The following NUP214 variants were observed in gnomAD, a reference collection of about 807,000 sequenced individuals.
The protein encoded by NUP214 is nucleoporin 214.
In NUP214, 79 loss-of-function variants were observed where a neutral mutation model predicts 196.2. That is an observed-to-expected ratio of 0.40 (90% CI 0.34 to 0.49). The LOEUF is 0.49. Ranked by LOEUF, NUP214 falls within the 20% of genes least tolerant of loss-of-function variation. The pLI is 0.58. For synonymous variants in NUP214, 1,020 were observed against 990.5 expected (o/e 1.03, Z -0.56); for missense variants, 2,468 against 2,539.0 (o/e 0.97, Z 0.60).
intron 17 of NUP214, 110 bp downstream of exon 17, chr9:131,152,004 A>C: frequency 1.3e-6 from 1 of 798,840 alleles, no homozygotes; most frequent in African/African-American, 1.8e-5. Flanking sequence ...GAAGTTGTTG[A>C]TTTTCTGCTT....
At chr9:131,137,303 G>A (rs1299377894) in intron 9 of NUP214, among the ~76,000 whole-genome samples, 1 of 152,118 alleles carries the variant, frequency 6.6e-6, no homozygotes, top group East Asian at 1.9e-4. Context: ...TTCTAGAGGG[G>A]ACTGTTTTTA....
chr9:131,158,040 C>T (rs1043851246), intron 17 of NUP214, among the ~76,000 whole-genome samples: 4 of 152,082 alleles, frequency 2.6e-5, no homozygotes, highest in African/African-American at 9.7e-5. Context: ...GTCCTGGCCT[C>T]CCAAAGTGCT....
At chr9:131,200,724 AGAAAC>A (rs1189147575) in intron 29 of NUP214, among the ~76,000 whole-genome samples, 1 of 151,980 alleles carries the variant, frequency 6.6e-6, no homozygotes, top group East Asian at 1.9e-4. Context: ...AAAAAAGAAA[AGAAAC>A]GAGAGTAGAA....
chr9:131,146,049 C>G lies in NUP214; in HGVS notation c.1770-80C>G. 1 of 1,299,024 alleles carries G rather than the reference C, an allele frequency of 7.7e-7. No homozygotes were observed. The highest frequency in any genetic ancestry group is 1.1e-6 in the Non-Finnish European group (1 of 923,558). 80.5% of individuals were successfully genotyped at this position (1,299,024 alleles called of 1,614,324 possible). On this transcript the variant is annotated intron_variant, in intron 12 of 35. Transcript: ENST00000359428. This position sits in a 1 kb window ranked among gnomAD's most constrained non-coding sequence, Gnocchi z 4.6. ...GTTAACATAAAAGATAATAAGTTAT[C>G]TTTTGATGACATTGCTCATGCTAGT...
At chr9:131,173,980 TCAACAG>T in intron 21 of NUP214, 69 bp from the exon 22 acceptor site, 1 of 1,478,690 alleles carries the variant, frequency 6.8e-7, no homozygotes, top group Admixed American at 2.2e-5. Context: ...TTTTTTTTTA[TCAACAG>T]TGAAAATTAC....
chr9:131,203,661 G>A (rs931682133), intron 30 of NUP214, among the ~76,000 whole-genome samples: 3 of 152,034 alleles, frequency 2.0e-5, no homozygotes, highest in African/African-American at 7.2e-5. Context: ...TGGTAGTAGA[G>A]GACTAAGTCA....
chr9:131,177,162 TAACATTA>T (rs1462315639), intron 23 of NUP214, among the ~76,000 whole-genome samples: 2 of 152,140 alleles, frequency 1.3e-5, no homozygotes, highest in Non-Finnish European at 2.9e-5. Flanking sequence ...AAAAAAGAAC[TAACATTA>T]AACAGTGATA....
intron 16 of NUP214, 38 bp downstream of exon 16, chr9:131,150,803 A>C (rs1564186302): frequency 6.3e-7 from 1 of 1,576,436 alleles, no homozygotes; most frequent in Non-Finnish European, 8.6e-7. Flanking sequence ...GTTGAATTGC[A>C]TTTAACAATT....
intron 13 of NUP214, 92 bp from the exon 14 acceptor site, chr9:131,147,398 T>A: frequency 4.1e-6 from 4 of 976,016 alleles, no homozygotes; most frequent in Non-Finnish European, 6.3e-6. Flanking sequence ...AATGTGTAAC[T>A]TAATTTCTTA....
chr9:131,194,372 G>GGTTTTT (rs1264432049), intron 27 of NUP214, among the ~76,000 whole-genome samples: 1 of 151,802 alleles, frequency 6.6e-6, no homozygotes, highest in Non-Finnish European at 1.5e-5. Context: ...GGTTTTTGGG[G>GGTTTTT]GTTTTTGTTT....
chr9:131,197,822 G>T lies in NUP214; in HGVS notation c.4328G>T (p.Ser1443Ile). ...GGCAAGACTAGTTTTTCATTTGGAA[G>T]CCAACAGACCAATAGCACAGTGCCC... ...SAGKTSFSFG[S>I]QQTNSTVPPS... Residue 1443 changes from serine (S) to isoleucine (I), a missense_variant, in exon 29 of 36, where the codon AGC becomes ATC. Physicochemically the swap from Ser to Ile is moderately radical, Grantham distance 142. Around this residue, in one of 5 missense-constraint regions of NUP214, gnomAD observed 1,801 missense variants for 1,779.4 expected, o/e 1.01. Coordinates refer to ENST00000359428, the MANE Select transcript of NUP214 (RefSeq NM_005085.4). 4 of 1,613,700 alleles carry T rather than the reference G, an allele frequency of 2.5e-6. No individual in the cohort carries two copies. Among genetic ancestry groups the T allele is most frequent in the Non-Finnish European group, 2.5e-6 (3 of 1,180,038 alleles).
intron 30 of NUP214, among the ~76,000 whole-genome samples, chr9:131,214,474 A>G (rs1834337519): frequency 6.6e-6 from 1 of 152,148 alleles, no homozygotes; most frequent in African/African-American, 2.4e-5. Flanking sequence ...TCCAAAGTCC[A>G]TCTTATTCTG....
At chr9:131,206,148 CTTTT>C (rs71265048) in intron 30 of NUP214, among the ~76,000 whole-genome samples, 4 of 76,372 alleles carry the variant, frequency 5.2e-5, no homozygotes, top group Non-Finnish European at 7.1e-5. Context: ...TTTCTTTTTT[CTTTT>C]TTTTTTTTTT....
intron 21 of NUP214, chr9:131,167,025 A>G (rs1040859367): frequency 6.6e-6 from 1 of 152,174 alleles, no homozygotes; most frequent in Non-Finnish European, 1.5e-5. Flanking sequence ...TTTAACGTAT[A>G]CAGTTATCTC....
At chr9:131,131,388 A>G (rs902102328) in intron 5 of NUP214, among the ~76,000 whole-genome samples, 10 of 152,316 alleles carry the variant, frequency 6.6e-5, no homozygotes, top group South Asian at 4.1e-4. Context: ...TTCAATATCA[A>G]TTGAGTTGCA....
chr9:131,180,403 T>G (rs1833240289), intron 24 of NUP214, among the ~76,000 whole-genome samples: 1 of 152,262 alleles, frequency 6.6e-6, no homozygotes, highest in African/African-American at 2.4e-5. Context: ...TAAAATGACT[T>G]GCTTTCAGAT....
Position 131,130,829 on chromosome 9 carries a change from A to G in NUP214, c.656A>G (p.Tyr219Cys). The G allele has an allele frequency of 1.2e-6, 2 of 1,614,082 alleles. No homozygotes were observed. Among genetic ancestry groups the G allele is most frequent in the Non-Finnish European group, 1.7e-6 (2 of 1,179,914 alleles). Residue 219 changes from tyrosine to cysteine, a missense_variant, in exon 5 of 36, where the codon TAT becomes TGT. Transcript: ENST00000359428. Reference sequence around the variant, plus strand: ...AAACAGAATGGAACTGTGGTCCAGTATCTTCCTGTAAGTTCTTATCTTGAA... The same window carrying G: ...AAACAGAATGGAACTGTGGTCCAGTGTCTTCCTGTAAGTTCTTATCTTGAA... Reference protein sequence around the residue: ...VGKQNGTVVQYLPTLQEKKVI... With the variant: ...VGKQNGTVVQCLPTLQEKKVI...
At chr9:131,193,908 C>T (rs774428435) in intron 27 of NUP214, 6 of 150,692 alleles carry the variant, frequency 4.0e-5, no homozygotes, top group Non-Finnish European at 7.4e-5. Flanking sequence ...GCCTTAGCCT[C>T]CCAAAGTGCT....
intron 21 of NUP214, among the ~76,000 whole-genome samples, chr9:131,166,179 C>T (rs1251561889): frequency 1.3e-5 from 2 of 152,104 alleles, no homozygotes; most frequent in African/African-American, 2.4e-5. Context: ...TAACCTTTTC[C>T]TCTGCCTTCT....
Sources: gnomAD v4.1 joint callset for allele counts (sites outside exome capture counted in the v4.1 genomes callset) on GRCh38, gnomAD v4.1.1 for gene constraint, gnomAD v4.1.1 regional missense constraint, Gnocchi (gnomAD v3.1) non-coding constraint, MANE v1.5 for transcripts, NCBI Gene and HGNC (gene_info 2026-07-23, HGNC 2026-07-21) for gene names.